VPS25: variants seen among roughly 807,000 people sequenced by gnomAD.
VPS25 encodes the protein vacuolar protein sorting 25 homolog.
VPS25 carries 21 observed loss-of-function variants against 30.3 expected under a neutral mutation model. The ratio of observed to expected loss-of-function variants is 0.69; its 90% CI spans 0.49 to 1.00. The LOEUF is 1.00. Among genes scored for constraint, VPS25 ranks in the 50% least tolerant of loss-of-function variants. The pLI is 0.00. For missense variants in VPS25, 156 were observed against 217.2 expected, an observed-to-expected ratio of 0.72 and a Z score of 1.77; for synonymous variants, 101 against 88.1, an observed-to-expected ratio of 1.15 and a Z score of -0.82.
chr17:42,779,191 C>CTTT lies in VPS25; in HGVS notation c.*123_*124insTTT. ...CACCAGACTCAAAAGGACTCCAGTCCTGAAGGCTGGGACCTGGGGATGGGT... is the reference window on the plus strand; with the variant it reads ...CACCAGACTCAAAAGGACTCCAGTCCTTTTGAAGGCTGGGACCTGGGGATGGGT... On this transcript the variant is annotated 3_prime_UTR_variant, in exon 6 of 6. Transcript: ENST00000253794. The CTTT allele has an allele frequency of 1.1e-6, 1 of 889,816 alleles. No homozygotes were observed. The highest frequency in any genetic ancestry group is 1.8e-6 in the Non-Finnish European group (1 of 570,568). 55.1% of individuals were successfully genotyped at this position (889,816 alleles called of 1,614,324 possible).
In VPS25 at chr17:42,775,436, G is replaced by T; in HGVS notation, c.309G>T (p.Arg103Ser). 6.2e-7 allele frequency: 1 copy of T among 1,614,046 alleles called. No individual in the cohort carries two copies. The highest frequency in any genetic ancestry group is 8.5e-7 in the Non-Finnish European group (1 of 1,179,962). ...SKSSFLIMWRRPEEWGKLIYQ... is the reference protein window; with the variant it reads ...SKSSFLIMWRSPEEWGKLIYQ... Reference sequence around the variant, plus strand: ...CCAGCTTCCTGATCATGTGGCGGAGGCCAGAAGAATGGGGGAAACTCATCT... The same window carrying T: ...CCAGCTTCCTGATCATGTGGCGGAGTCCAGAAGAATGGGGGAAACTCATCT... The change falls in exon 4 of 6, where the codon AGG becomes AGT. Residue 103 changes from arginine (R) to serine (S), a missense_variant. Physicochemically the swap from Arg to Ser is moderately radical, Grantham distance 110. Coordinates refer to ENST00000253794, the MANE Select transcript of VPS25 (RefSeq NM_032353.4).
In VPS25 at chr17:42,779,300, T is replaced by A. The variant is rs763415795; in HGVS notation, c.*231T>A. 8 of 479,668 alleles carry A rather than the reference T, an allele frequency of 1.7e-5. No homozygotes were observed. 29.7% of individuals were successfully genotyped at this position (479,668 alleles called of 1,614,324 possible). A position where few individuals can be genotyped will look rare whatever the true frequency, so the allele number is the denominator to read the frequency against. ...AATATGTGCTTCTTCTCGCCCTACC[T>A]CCTTTCCCATCCTAGACTGTCCTTG... On this transcript the variant is annotated 3_prime_UTR_variant, in exon 6 of 6. Coordinates refer to ENST00000253794, the MANE Select transcript of VPS25 (RefSeq NM_032353.4).
chr17:42,775,345 C>T (rs371134688), intron 3 of VPS25, 36 bp from the exon 4 acceptor site: 43 of 1,579,274 alleles, frequency 2.7e-5, no homozygotes, highest in Admixed American at 5.0e-5. Context: ...AGCCACTGCG[C>T]GCCTGGTTAT....
At chr17:42,773,994 C>A in intron 2 of VPS25, 116 bp downstream of exon 2, 2 of 1,255,574 alleles carry the variant, frequency 1.6e-6, no homozygotes, top group Non-Finnish European at 2.2e-6. Flanking sequence ...GATTCCCACC[C>A]AAACTGGACT....
chr17:42,778,714 G>A (rs1311446417), intron 5 of VPS25, among the ~76,000 whole-genome samples: 10 of 152,216 alleles, frequency 6.6e-5, no homozygotes, highest in Non-Finnish European at 1.3e-4. Flanking sequence ...GTGTGGGGGA[G>A]GCTGAGTCTG....
rs571614314 is a variant in VPS25, at chr17:42,779,076, C to A, written c.*7C>A. The A allele has an allele frequency of 2.8e-5, 45 of 1,612,310 alleles. No individual in the cohort carries two copies. The highest frequency in any genetic ancestry group is 3.8e-5 in the Non-Finnish European group (45 of 1,178,976). ...AGGCGTCAAGTTCTTCTAGCAGGGA[C>A]CTGTCTCCCTTTACTTCTTACCTCC... On this transcript the variant is annotated 3_prime_UTR_variant, in exon 6 of 6. Coordinates refer to ENST00000253794, the MANE Select transcript of VPS25 (RefSeq NM_032353.4).
At chr17:42,776,361 T>C (rs1306941944) in intron 5 of VPS25, 41 bp downstream of exon 5, 1 of 1,580,766 alleles carries the variant, frequency 6.3e-7, no homozygotes, top group African/African-American at 1.4e-5. Flanking sequence ...ATTTTTTGTT[T>C]TGTTTTGTTT....
At chr17:42,776,702 C>G (rs1046859692) in intron 5 of VPS25, among the ~76,000 whole-genome samples, 3 of 150,050 alleles carry the variant, frequency 2.0e-5, no homozygotes, top group Admixed American at 2.0e-4. Flanking sequence ...TCACTGTATC[C>G]CAGGCTGGAG....
intron 3 of VPS25, chr17:42,774,909 A>C (rs2054428279): frequency 2.1e-6 from 1 of 483,014 alleles, no homozygotes; most frequent in Non-Finnish European, 3.7e-6. Context: ...CCTGAAGAGA[A>C]GTGGAAGAAG....
intron 1 of VPS25, 82 bp downstream of exon 1, chr17:42,773,610 G>A: frequency 6.2e-7 from 1 of 1,608,018 alleles, no homozygotes; most frequent in South Asian, 1.1e-5. Flanking sequence ...GCTTCATATG[G>A]GGAGGGGGAG....
chr17:42,773,467 G>T lies in VPS25; in HGVS notation c.-9G>T, dbSNP rs908854300. 6.2e-7 allele frequency: 1 copy of T among 1,614,024 alleles called. No homozygotes were observed. The highest frequency in any genetic ancestry group is 8.5e-7 in the Non-Finnish European group (1 of 1,180,042). On this transcript the variant is annotated 5_prime_UTR_variant, in exon 1 of 6. Transcript: ENST00000253794. The stretch of plus-strand genomic sequence containing the variant: ...AGCCGGTAGCTTCCGGGTTTCCTGG[G>T]CTACTACGATGGCGATGAGTTTCGA...
rs760795360 is a variant in VPS25, at chr17:42,775,362, A to AT, written c.254-18dup. 1.2e-6 allele frequency: 2 copies of AT among 1,608,676 alleles called. No homozygotes were observed. The highest frequency in any genetic ancestry group is 1.7e-6 in the Non-Finnish European group (2 of 1,175,488). ...CCACTGCGCGCCTGGTTATGCTTTC[A>AT]TAAGTATCTGTTTTACAGGGAACCT... On this transcript the variant is annotated intron_variant, in intron 3 of 5. Coordinates refer to ENST00000253794, the MANE Select transcript of VPS25 (RefSeq NM_032353.4).
intron 3 of VPS25, 45 bp downstream of exon 3, chr17:42,774,744 T>C: frequency 1.3e-6 from 2 of 1,575,618 alleles, no homozygotes; most frequent in Non-Finnish European, 1.7e-6. Flanking sequence ...CCTAGTTGGG[T>C]TTTCCTGAGG....
At position 42,774,309 on chromosome 17, in the gene VPS25, G is replaced by A. The variant is rs532598264; in HGVS notation, c.200-337G>A. ...AAAATATCTGTGGAGAAAGGCTGAAGGAAGGCAACAGACAGAGGGTGAGGA... is the reference window on the plus strand; with the variant it reads ...AAAATATCTGTGGAGAAAGGCTGAAAGAAGGCAACAGACAGAGGGTGAGGA... On this transcript the variant is annotated intron_variant, in intron 2 of 5. Transcript: ENST00000253794. 4 of 293,406 alleles carry A rather than the reference G, an allele frequency of 1.4e-5. No homozygotes were observed. In the East Asian group the frequency reaches 2.4e-4, roughly 17 times the overall value. 18.2% of individuals were successfully genotyped at this position (293,406 alleles called of 1,614,324 possible).
At position 42,779,391 on chromosome 17, in the gene VPS25, C is replaced by T. The variant is rs1568024241; in HGVS notation, c.*322C>T. The T allele has an allele frequency of 1.2e-5, 3 of 240,890 alleles. No individual in the cohort carries two copies. In the Admixed American group the frequency reaches 1.4e-4, roughly 11 times the overall value. The allele number at this position is 240,890 out of a possible 1,614,324, so 14.9% of individuals were successfully genotyped here. Reference sequence around the variant, plus strand: ...CATGTAAGTACATACACACATGCGCCTGCAGCACATGCTTCTGTCTCCTCC... The same window carrying T: ...CATGTAAGTACATACACACATGCGCTTGCAGCACATGCTTCTGTCTCCTCC... On this transcript the variant is annotated 3_prime_UTR_variant, in exon 6 of 6. Coordinates refer to ENST00000253794, the MANE Select transcript of VPS25 (RefSeq NM_032353.4).
At chr17:42,777,735 T>C (rs907448032) in intron 5 of VPS25, among the ~76,000 whole-genome samples, 1 of 152,190 alleles carries the variant, frequency 6.6e-6, no homozygotes, top group African/African-American at 2.4e-5. Context: ...TTATATACTT[T>C]GGTTTCTGGC....
At chr17:42,777,523 AAAT>A (rs1309191707) in intron 5 of VPS25, among the ~76,000 whole-genome samples, 1 of 152,224 alleles carries the variant, frequency 6.6e-6, no homozygotes, top group Admixed American at 6.5e-5. Flanking sequence ...CAGAAAATAA[AAAT>A]AATAACAATA....
At chr17:42,774,243 G>A (rs934535828) in intron 2 of VPS25, 46 of 267,036 alleles carry the variant, frequency 1.7e-4, no homozygotes, top group Non-Finnish European at 1.1e-4. Flanking sequence ...CCTCCTGCCA[G>A]GAAGTAAGGG....
chr17:42,775,161 A>G (rs2054429350), intron 3 of VPS25: 2 of 489,936 alleles, frequency 4.1e-6, no homozygotes, highest in Admixed American at 3.8e-5. Context: ...CTCCCATCTC[A>G]GCCTCCTGAG....
Sources: gnomAD v4.1 joint callset for allele counts (sites outside exome capture counted in the v4.1 genomes callset) on GRCh38, gnomAD v4.1.1 for gene constraint, MANE v1.5 for transcripts, NCBI Gene and HGNC (gene_info 2026-07-23, HGNC 2026-07-21) for gene names.